DIDO1: variants seen among roughly 807,000 people sequenced by gnomAD.
The protein encoded by DIDO1 is death-inducer obliterator 1.
In DIDO1, 16 loss-of-function variants were observed where a neutral mutation model predicts 99.4. The ratio of observed to expected loss-of-function variants is 0.16; its 90% confidence interval spans 0.11 to 0.24. The LOEUF (loss-of-function observed/expected upper bound fraction) is 0.24, where lower values mean the gene tolerates loss of function less well. Ranked by LOEUF, DIDO1 falls within the 10% of genes least tolerant of loss-of-function variation. The probability of loss-of-function intolerance (pLI) is 1.00; values close to 1 mark genes in which losing one functional copy is unlikely to be tolerated. For missense variants in DIDO1, 2,996 were observed against 3,014.0 expected (o/e 0.99, Z 0.14); for synonymous variants, 1,366 against 1,239.1 (o/e 1.10, Z -2.15).
chr20:62,919,615 C>G (rs530220595), intron 1 of DIDO1, among the ~76,000 whole-genome samples: 7 of 151,884 alleles, frequency 4.6e-5, no homozygotes, highest in Non-Finnish European at 5.9e-5. Flanking sequence ...AGAGAAAAAT[C>G]CAGAAACAAC....
At chr20:62,931,007 C>T (rs1015463108), upstream of DIDO1, among the ~76,000 whole-genome samples, 4 of 152,210 alleles carry the variant, frequency 2.6e-5, no homozygotes, top group Non-Finnish European at 4.4e-5. Flanking sequence ...GTAGTGTGAT[C>T]TTGGCTGTCT....
chr20:62,882,984 G>A (rs1005278299), intron 15 of DIDO1, among the ~76,000 whole-genome samples: 9 of 143,054 alleles, frequency 6.3e-5, no homozygotes, highest in Non-Finnish European at 1.0e-4. Flanking sequence ...GCGCAGTGGC[G>A]CGAGCTCGGC....
intron 5 of DIDO1, among the ~76,000 whole-genome samples, chr20:62,906,705 TCCAAATAACACG>T (rs1263326675): frequency 2.9e-5 from 1 of 34,216 alleles, no homozygotes; most frequent in African/African-American, 3.9e-4. Flanking sequence ...CTCTAAACAT[TCCAAATAACACG>T]GAGTTCTTTC....
chr20:62,905,099 T>C (rs1373113883), intron 6 of DIDO1: 2 of 995,712 alleles, frequency 2.0e-6, no homozygotes, highest in Non-Finnish European at 2.4e-6. Flanking sequence ...CTGTTTGAAA[T>C]ATCTTCATTT....
At chr20:62,898,357 G>C (rs1015954731) in intron 6 of DIDO1, among the ~76,000 whole-genome samples, 1 of 152,170 alleles carries the variant, frequency 6.6e-6, no homozygotes, top group Non-Finnish European at 1.5e-5. Flanking sequence ...CAGCCTCAGG[G>C]CTGCAAGTCT....
chr20:62,910,636 G>C, intron 3 of DIDO1, 138 bp downstream of exon 3: 1 of 1,084,684 alleles, frequency 9.2e-7, no homozygotes, highest in Non-Finnish European at 1.3e-6. Context: ...ACTCTTATGT[G>C]TTTCTTTTTT....
chr20:62,918,092 C>G (rs113975879), intron 1 of DIDO1, among the ~76,000 whole-genome samples: 2 of 152,226 alleles, frequency 1.3e-5, no homozygotes, highest in Non-Finnish European at 2.9e-5. Flanking sequence ...ACCTGTTAAT[C>G]TTCCCTCAGA....
At position 62,886,169 on chromosome 20, in the gene DIDO1, G is replaced by A. The variant is rs532453949; in HGVS notation, c.3542-3755C>T. Among the ~76,000 whole-genome samples, 9 of 152,338 alleles carry A rather than the reference G, an allele frequency of 5.9e-5. No individual in the cohort carries two copies. The South Asian group carries it at 1.4e-3, about 25-fold the overall frequency. On this transcript the variant is annotated intron_variant, in intron 15 of 15. Transcript: ENST00000395343. ...GGCCTCAGTTCATAAAGCAACCAGG[G>A]GCCGGGGCTCAGGAGCAACCAGGGA...
intron 1 of DIDO1, among the ~76,000 whole-genome samples, chr20:62,922,123 C>T (rs1231243088): frequency 6.8e-6 from 1 of 146,764 alleles, no homozygotes; most frequent in Non-Finnish European, 1.5e-5. Context: ...CACACACACA[C>T]ACATATATAC....
At chr20:62,903,016 G>A (rs1357793861) in intron 6 of DIDO1, among the ~76,000 whole-genome samples, 4 of 151,940 alleles carry the variant, frequency 2.6e-5, no homozygotes, top group Middle Eastern at 3.2e-3. Context: ...TTCATGCCTC[G>A]ACAATAATGG....
chr20:62,879,999 G>A lies in DIDO1; in HGVS notation c.5957C>T (p.Pro1986Leu). The change falls in exon 16 of 16, where the codon CCC becomes CTC. Residue 1986 changes from proline to leucine, a missense_variant. By Grantham distance (98) the Pro-to-Leu change is moderately conservative. Coordinates refer to ENST00000395343, the MANE Select transcript of DIDO1 (RefSeq NM_001193369.2). The surrounding 1 kb of genome is among the most constrained non-coding windows in gnomAD (Gnocchi z 6.3). ...PRFTNQRAPA[P>L]LQFGGLRGSA... The stretch of plus-strand genomic sequence containing the variant: ...CCCCCGTAGTCCACCAAACTGCAGG[G>A]GTGCAGGCGCCCTTTGGTTTGTGAA... 3 of 1,612,072 alleles carry A rather than the reference G, an allele frequency of 1.9e-6. No individual in the cohort carries two copies. Among genetic ancestry groups the A allele is most frequent in the Non-Finnish European group, 2.5e-6 (3 of 1,179,944 alleles).
At chr20:62,923,465 T>A (rs1370873361) in intron 1 of DIDO1, among the ~76,000 whole-genome samples, 1 of 152,132 alleles carries the variant, frequency 6.6e-6, no homozygotes, top group Non-Finnish European at 1.5e-5. Context: ...CGACCCACCA[T>A]GCCCGGCCGG....
intron 14 of DIDO1, 96 bp from the exon 15 acceptor site, chr20:62,891,251 A>T: frequency 1.9e-6 from 3 of 1,551,812 alleles, no homozygotes; most frequent in East Asian, 4.6e-5. Context: ...ACCTTGTCAG[A>T]TCTCTCCGAC....
At position 62,894,676 on chromosome 20, in the gene DIDO1, C is replaced by T; in HGVS notation, c.2437-128G>A. ...GGGGAGAAAAAAGGACCATCTAATACAAGGACTGAGGAATGCCACAATGAC... is the reference window on the plus strand; with the variant it reads ...GGGGAGAAAAAAGGACCATCTAATATAAGGACTGAGGAATGCCACAATGAC... On this transcript the variant is annotated intron_variant, in intron 10 of 15. Transcript: ENST00000395343. This position sits in a 1 kb window ranked among gnomAD's most constrained non-coding sequence, Gnocchi z 4.4. 7.1e-7 allele frequency: 1 copy of T among 1,417,528 alleles called. No individual in the cohort carries two copies. Among genetic ancestry groups the T allele is most frequent in the Non-Finnish European group, 9.5e-7 (1 of 1,053,796 alleles). 87.8% of individuals were successfully genotyped at this position (1,417,528 alleles called of 1,614,324 possible). A position where few individuals can be genotyped will look rare whatever the true frequency, so the allele number is the denominator to read the frequency against.
chr20:62,881,618 G>T lies in DIDO1; in HGVS notation c.4338C>A (p.Asn1446Lys). The change falls in exon 16 of 16, where the codon AAC becomes AAA. Residue 1446 changes from asparagine to lysine, a missense_variant. Coordinates refer to ENST00000395343, the MANE Select transcript of DIDO1 (RefSeq NM_001193369.2). This position sits in a 1 kb window ranked among gnomAD's most constrained non-coding sequence, Gnocchi z 8.3. ...TCCTTCTCACGTCGGCACACATCCT[G>T]TTGGGCAGGTCATCAACAGTCACTT... ...EAKVTVDDLP[N>K]RMCADVRRNS... 1.2e-6 allele frequency: 2 copies of T among 1,612,574 alleles called. No homozygotes were observed. Among genetic ancestry groups the T allele is most frequent in the East Asian group, 2.2e-5 (1 of 44,882 alleles).
intron 1 of DIDO1, among the ~76,000 whole-genome samples, chr20:62,920,667 G>C (rs2065120535): frequency 6.6e-6 from 1 of 152,232 alleles, no homozygotes; most frequent in Non-Finnish European, 1.5e-5. Context: ...GATCAAAGCA[G>C]TCTGCACAAC....
chr20:62,887,915 G>C, intron 15 of DIDO1: 1 of 985,132 alleles, frequency 1.0e-6, no homozygotes, highest in Non-Finnish European at 1.2e-6. Context: ...CCCCACTGCG[G>C]GGCAGAGGGG....
chr20:62,884,205 A>T (rs77673303), intron 15 of DIDO1, among the ~76,000 whole-genome samples: 3 of 31,104 alleles, frequency 9.6e-5, no homozygotes, highest in South Asian at 2.1e-3. Context: ...GTATTAGTTT[A>T]AAAAAAAAAT....
At chr20:62,932,589 T>C (rs1325264420) in intron 1 of DIDO1, among the ~76,000 whole-genome samples, 1 of 152,244 alleles carries the variant, frequency 6.6e-6, no homozygotes, top group African/African-American at 2.4e-5. Flanking sequence ...AAATACTCTT[T>C]GGCCTTTCCC....
Sources: allele counts gnomAD v4.1 joint callset (sites outside exome capture counted in the v4.1 genomes callset), GRCh38; gene constraint gnomAD v4.1.1; non-coding constraint Gnocchi (gnomAD v3.1); transcripts MANE v1.5; gene names NCBI Gene and HGNC (gene_info 2026-07-23, HGNC 2026-07-21).